PHYH: variants seen among roughly 807,000 people sequenced by gnomAD.
PHYH encodes the protein phytanoyl-CoA dioxygenase, peroxisomal.
Under a neutral mutation model 38.5 loss-of-function variants are expected in PHYH, and 32 were observed. The observed-to-expected ratio is 0.83, with a 90% CI of 0.63 to 1.12. The LOEUF is 1.12. Ranked by LOEUF, PHYH falls within the 50% of genes most tolerant of loss-of-function variation. The pLI is 0.00. For synonymous variants in PHYH, 166 were observed against 157.9 expected (o/e 1.05, Z -0.38); for missense variants, 426 against 434.8 (o/e 0.98, Z 0.18).
At chr10:13,281,530 G>A (rs568280097) in intron 7 of PHYH, among the ~76,000 whole-genome samples, 1 of 151,974 alleles carries the variant, frequency 6.6e-6, no homozygotes, top group African/African-American at 2.4e-5. Flanking sequence ...TGTTATTTCA[G>A]TGGCAATAGA....
rs1588511096 is a variant in PHYH at position 13,288,483 on chromosome 10, G to A, written c.555C>T (p.Pro185=). 2 of 1,614,206 alleles carry A rather than the reference G, an allele frequency of 1.2e-6. No individual in the cohort carries two copies. Among genetic ancestry groups the A allele is most frequent in the East Asian group, 2.2e-5 (1 of 44,868 alleles). The change falls in exon 6 of 9, where the codon CCC becomes CCT. Residue 185 remains proline (P), a synonymous_variant. Transcript: ENST00000263038. ...HQDLHYFPFR[P]SDLIVCAWTA... Reference sequence around the variant, plus strand: ...TCCAGGCGCAAACGATGAGATCGCTGGGCCTGAAGGGGAAATAGTGCAGGT... The same window carrying A: ...TCCAGGCGCAAACGATGAGATCGCTAGGCCTGAAGGGGAAATAGTGCAGGT...
At position 13,281,113 on chromosome 10, in the gene PHYH, G is replaced by A; in HGVS notation, c.829-3C>T. 1 of 1,614,086 alleles carries A rather than the reference G, an allele frequency of 6.2e-7. No homozygotes were observed. The highest frequency in any genetic ancestry group is 8.5e-7 in the Non-Finnish European group (1 of 1,179,968). On this transcript the variant is annotated splice_polypyrimidine_tract_variant and splice_region_variant and intron_variant, in intron 7 of 8. Coordinates refer to ENST00000263038, the MANE Select transcript of PHYH (RefSeq NM_006214.4). ...CTGGCGAAATGGCAGGAAATTGCCT[G>A]TGCAAAGTGAACAAATTGATATTGG...
chr10:13,292,117 C>CT (rs1835726824), intron 4 of PHYH, among the ~76,000 whole-genome samples: 2 of 152,260 alleles, frequency 1.3e-5, no homozygotes, highest in South Asian at 4.1e-4. Flanking sequence ...ATGAAATGGG[C>CT]TTTTTCTGAG....
At chr10:13,292,250 T>C (rs2131646662) in intron 4 of PHYH, among the ~76,000 whole-genome samples, 1 of 152,306 alleles carries the variant, frequency 6.6e-6, no homozygotes, top group East Asian at 1.9e-4. Context: ...AGTTTCCTCT[T>C]CCTCATTGGA....
Position 13,277,959 on chromosome 10 carries a change from A to C in PHYH, c.*342T>G, listed in dbSNP as rs1402783641. The C allele has an allele frequency of 2.9e-6, 1 of 344,724 alleles. No homozygotes were observed. The allele number at this position is 344,724 out of a possible 1,614,324, so 21.4% of individuals were successfully genotyped here. ...GTTTATCAGAAAGGGGATACAAAAC[A>C]TACCCTAAGCTCCAAATCATTCACT... is the stretch of plus-strand genomic sequence containing the variant. On this transcript the variant is annotated 3_prime_UTR_variant, in exon 9 of 9. Transcript: ENST00000263038.
chr10:13,295,126 C>T (rs1258426218), intron 3 of PHYH: 1 of 280,482 alleles, frequency 3.6e-6, no homozygotes, highest in Admixed American at 5.1e-5. Flanking sequence ...AGTTCAAGAC[C>T]AGCCTGGGCA....
chr10:13,292,049 T>G (rs916661629), intron 4 of PHYH, 137 bp from the exon 5 acceptor site: 3 of 682,328 alleles, frequency 4.4e-6, no homozygotes, highest in Non-Finnish European at 7.8e-6. Context: ...TTCACAACAT[T>G]GCAAACAAAG....
In PHYH at chr10:13,281,037, T is replaced by C; in HGVS notation, c.902A>G (p.Glu301Gly). 1 of 1,614,118 alleles carries C rather than the reference T, an allele frequency of 6.2e-7. No individual in the cohort carries two copies. Among genetic ancestry groups the C allele is most frequent in the Non-Finnish European group, 8.5e-7 (1 of 1,179,926 alleles). ...DVKGTSQENI[E>G]KEVVGIAHKF... ...ATGTGCTATTCCTACAACTTCCTTCTCGATGTTTTCTTGACTGGTGCCCTT... is the reference window on the plus strand; with the variant it reads ...ATGTGCTATTCCTACAACTTCCTTCCCGATGTTTTCTTGACTGGTGCCCTT... Residue 301 changes from glutamate (E) to glycine (G), a missense_variant, in exon 8 of 9, where the codon GAG becomes GGG. Physicochemically the swap from Glu to Gly is moderately conservative, Grantham distance 98 (BLOSUM62 -2). Coordinates refer to ENST00000263038, the MANE Select transcript of PHYH (RefSeq NM_006214.4).
At chr10:13,284,141 G>A (rs1393412135) in intron 6 of PHYH, among the ~76,000 whole-genome samples, 2 of 152,016 alleles carry the variant, frequency 1.3e-5, no homozygotes, top group Admixed American at 6.6e-5. Context: ...TGGGCAACAT[G>A]GCAAAACCCC....
intron 8 of PHYH, 53 bp downstream of exon 8, chr10:13,280,923 C>G: frequency 6.5e-7 from 1 of 1,543,252 alleles, no homozygotes; most frequent in Non-Finnish European, 9.0e-7. Context: ...TATGAAGCAT[C>G]TGAAGAAAAG....
rs7901902 is a variant in PHYH, at chr10:13,288,395, C to T, written c.643G>A (p.Gly215Ser). ...CLVVLPGTHK[G>S]SLKPHDYPKW... ...GGGTAATCGTGGGGCTTCAGGGAGC[C>T]CTTGTGTGTGCCTGGGAGCACAACC... The change falls in exon 6 of 9, where the codon GGC (glycine) becomes AGC (serine). Residue 215 changes from glycine to serine, a missense_variant. Physicochemically the swap from Gly to Ser is moderately conservative, Grantham distance 56. Transcript: ENST00000263038. 1,981 of 1,614,068 alleles carry T rather than the reference C, an allele frequency of 1.2e-3. 24 individuals are homozygous for T. The African/African-American group carries it at 0.02, about 16-fold the overall frequency.
At chr10:13,289,317 T>C (rs1054473478) in intron 5 of PHYH, among the ~76,000 whole-genome samples, 2 of 152,064 alleles carry the variant, frequency 1.3e-5, no homozygotes, top group Non-Finnish European at 2.9e-5. Context: ...TGCCTCAGCC[T>C]CCCGAGTAGC....
At position 13,283,816 on chromosome 10, in the gene PHYH, G is replaced by C; in HGVS notation, c.702C>G (p.His234Gln). 6.2e-7 allele frequency: 1 copy of C among 1,613,888 alleles called. No individual in the cohort carries two copies. The highest frequency in any genetic ancestry group is 8.5e-7 in the Non-Finnish European group (1 of 1,179,846). ...TGTTTTCCTCGTAGTCCTGGATCCC[G>C]TGGAACATTTTGTTAACTCCCCCCT... ...KWEGGVNKMFHGIQDYEENKA... is the reference protein window; with the variant it reads ...KWEGGVNKMFQGIQDYEENKA... The change falls in exon 7 of 9, where the codon CAC becomes CAG. Residue 234 changes from histidine (H) to glutamine (Q), a missense_variant. His to Gln is a conservative substitution (Grantham distance 24, BLOSUM62 0). Coordinates refer to ENST00000263038, the MANE Select transcript of PHYH (RefSeq NM_006214.4).
At chr10:13,282,938 T>A (rs183226793) in intron 7 of PHYH, among the ~76,000 whole-genome samples, 1 of 151,916 alleles carries the variant, frequency 6.6e-6, no homozygotes, top group African/African-American at 2.4e-5. Flanking sequence ...TATGAATGAA[T>A]GGAAGACGAA....
At chr10:13,287,795 G>A (rs192354915) in intron 6 of PHYH, among the ~76,000 whole-genome samples, 16 of 152,248 alleles carry the variant, frequency 1.1e-4, no homozygotes, top group South Asian at 6.2e-4. Flanking sequence ...ATCTGGGGTC[G>A]AAGGGTTTAT....
At chr10:13,287,197 G>C (rs770401656) in intron 6 of PHYH, among the ~76,000 whole-genome samples, 2 of 151,794 alleles carry the variant, frequency 1.3e-5, no homozygotes, top group African/African-American at 2.4e-5. Context: ...AAATTAGCTG[G>C]GTGTGGTGGT....
chr10:13,289,975 A>C (rs117313558), intron 5 of PHYH, among the ~76,000 whole-genome samples: 8,585 of 148,964 alleles, frequency 0.058, 314 homozygotes, highest in Admixed American at 0.09. Flanking sequence ...AGAAAAAAAA[A>C]CACACAAAAC....
intron 8 of PHYH, among the ~76,000 whole-genome samples, chr10:13,279,436 A>G (rs1310666968): frequency 6.6e-6 from 1 of 152,184 alleles, no homozygotes; most frequent in African/African-American, 2.4e-5. Flanking sequence ...AATAATTTAG[A>G]TGTTCTTATT....
chr10:13,294,659 CT>C, intron 3 of PHYH, 63 bp from the exon 4 acceptor site: 1 of 1,453,134 alleles, frequency 6.9e-7, no homozygotes, highest in South Asian at 1.1e-5. Context: ...CCCTGCCCTC[CT>C]CTGTGGAAAG....
Sources: gnomAD v4.1 joint callset for allele counts (sites outside exome capture counted in the v4.1 genomes callset) on GRCh38, gnomAD v4.1.1 for gene constraint, MANE v1.5 for transcripts, NCBI Gene and HGNC (gene_info 2026-07-23, HGNC 2026-07-21) for gene names.